Variants in RYR2 observed in about 807,000 individuals in gnomAD.
RYR2 encodes ryanodine receptor 2.
A neutral mutation model predicts 601.1 loss-of-function variants in RYR2; 227 were observed. The observed-to-expected ratio is 0.38, with a 90% CI of 0.34 to 0.42. RYR2 has a LOEUF of 0.42. RYR2 is among the 10% of genes least tolerant of loss of function. The pLI, the probability that RYR2 is intolerant of heterozygous loss-of-function variation, is 1.00. For synonymous variants in RYR2, 2,223 were observed against 2,175.1 expected, an observed-to-expected ratio of 1.02 and a Z score of -0.61; for missense variants, 4,646 against 6,156.5, an observed-to-expected ratio of 0.75 and a Z score of 8.21.
Position 237,511,857 on chromosome 1 carries a change from A to AC in RYR2, c.2822+66_2822+67insC, listed in dbSNP as rs955359772. ...CTGAAAAAAAAAAAAAAAAAAAAAAAAACAGGTATTGATGCTATATGTTAA... is the reference window on the plus strand; with the variant it reads ...CTGAAAAAAAAAAAAAAAAAAAAAAACAACAGGTATTGATGCTATATGTTAA... On this transcript the variant is annotated intron_variant, in intron 24 of 104. Coordinates refer to ENST00000366574, the MANE Select transcript of RYR2 (RefSeq NM_001035.3). 10 of 951,076 alleles carry AC rather than the reference A, an allele frequency of 1.1e-5. No individual in the cohort carries two copies. The East Asian group carries it at 2.3e-4, about 22-fold the overall frequency. 58.9% of individuals were successfully genotyped at this position (951,076 alleles called of 1,614,324 possible).
chr1:237,148,052 C>T (rs1235119339), intron 1 of RYR2, among the ~76,000 whole-genome samples: 1 of 152,182 alleles, frequency 6.6e-6, no homozygotes, highest in East Asian at 1.9e-4. Context: ...TGACAGTTTT[C>T]TCCTGAAGCA....
intron 1 of RYR2, among the ~76,000 whole-genome samples, chr1:237,064,700 G>A (rs1663311479): frequency 6.8e-6 from 1 of 147,434 alleles, no homozygotes; most frequent in South Asian, 2.1e-4. Flanking sequence ...GAGGTCTCAT[G>A]TGAATACCTG....
At chr1:237,680,909 T>C in intron 62 of RYR2, among the ~76,000 whole-genome samples, 1 of 152,230 alleles carries the variant, frequency 6.6e-6, no homozygotes, top group East Asian at 1.9e-4. Context: ...GTTTCTTTAA[T>C]GTTTCCACAA....
intron 1 of RYR2, among the ~76,000 whole-genome samples, chr1:237,250,613 A>G (rs1687359856): frequency 6.6e-6 from 1 of 151,940 alleles, no homozygotes; most frequent in South Asian, 2.1e-4. Context: ...TTCTCAGCTG[A>G]TTTCACTGAG....
chr1:237,707,749 G>T (rs1216649569), intron 68 of RYR2, among the ~76,000 whole-genome samples: 2 of 151,998 alleles, frequency 1.3e-5, no homozygotes, highest in Non-Finnish European at 2.9e-5. Flanking sequence ...CTACATGCCA[G>T]AATATTATGT....
chr1:237,523,006 G>A (rs200924620), intron 24 of RYR2, among the ~76,000 whole-genome samples: 1 of 91,388 alleles, frequency 1.1e-5, no homozygotes, highest in Non-Finnish European at 2.7e-5. Flanking sequence ...AAAAAAATGA[G>A]TTAAACAATG....
At chr1:237,508,897 C>T (rs1043526179) in intron 23 of RYR2, among the ~76,000 whole-genome samples, 2 of 151,230 alleles carry the variant, frequency 1.3e-5, no homozygotes, top group East Asian at 1.9e-4. Flanking sequence ...CGCCCGCTAC[C>T]ACGCCCGGCT....
Position 237,602,097 on chromosome 1 carries a change from T to C in RYR2, c.4669T>C (p.Leu1557=), listed in dbSNP as rs947233100. ...ATSPNVFQFE[L]GRIKNVMPLS... ...AAGTCCCAATGTTTTCCAGTTTGAG[T>C]TGGGAAGAATAAAGGTAATAAAACT... The change falls in exon 35 of 105, where the codon TTG becomes CTG. Residue 1557 remains leucine (L), a synonymous_variant. Transcript: ENST00000366574. 2 of 1,612,460 alleles carry C rather than the reference T, an allele frequency of 1.2e-6. No individual in the cohort carries two copies. The highest frequency in any genetic ancestry group is 2.7e-5 in the African/African-American group (2 of 75,024).
chr1:237,814,283 A>ACAG (rs1558472053), intron 100 of RYR2, among the ~76,000 whole-genome samples: 1 of 152,246 alleles, frequency 6.6e-6, no homozygotes, highest in Non-Finnish European at 1.5e-5. Context: ...AATTTCTTTA[A>ACAG]TTTAGTTCTC....
intron 98 of RYR2, among the ~76,000 whole-genome samples, chr1:237,804,897 G>A (rs1660441910): frequency 6.6e-6 from 1 of 152,228 alleles, no homozygotes; most frequent in South Asian, 2.1e-4. Flanking sequence ...GTTGGCTGTA[G>A]AGCAAGGGTT....
At chr1:237,415,702 C>T (rs151057545) in intron 10 of RYR2, among the ~76,000 whole-genome samples, 185 of 152,226 alleles carry the variant, frequency 1.2e-3, no homozygotes, top group African/African-American at 3.8e-3. Flanking sequence ...GGAATGGGGA[C>T]TATTCTAGAA....
At chr1:237,205,354 C>T (rs1035916104) in intron 1 of RYR2, among the ~76,000 whole-genome samples, 3 of 152,144 alleles carry the variant, frequency 2.0e-5, no homozygotes, top group South Asian at 2.1e-4. Flanking sequence ...CTGCCTGCCA[C>T]GAAATGCTCT....
At chr1:237,361,319 C>T (rs1246722415) in intron 4 of RYR2, among the ~76,000 whole-genome samples, 2 of 152,160 alleles carry the variant, frequency 1.3e-5, no homozygotes, top group African/African-American at 2.4e-5. Flanking sequence ...GGTGAAATCA[C>T]TTTGTTTTCT....
chr1:237,532,932 A>G (rs1451963923), intron 25 of RYR2, among the ~76,000 whole-genome samples: 1 of 152,240 alleles, frequency 6.6e-6, no homozygotes, highest in Non-Finnish European at 1.5e-5. Context: ...ACATGTCCCC[A>G]TGACAATCAT....
intron 25 of RYR2, among the ~76,000 whole-genome samples, chr1:237,532,361 T>C (rs924778376): frequency 1.3e-5 from 2 of 152,106 alleles, no homozygotes; most frequent in African/African-American, 4.8e-5. Context: ...ATCATTGAGT[T>C]AAGTTAACCA....
chr1:237,506,595 A>T lies in RYR2; in HGVS notation c.2614-115A>T. The T allele has an allele frequency of 4.7e-6, 3 of 632,504 alleles. No homozygotes were observed. In the South Asian group the frequency reaches 6.2e-5, roughly 13 times the overall value. 39.2% of individuals were successfully genotyped at this position (632,504 alleles called of 1,614,324 possible). On this transcript the variant is annotated intron_variant, in intron 22 of 104. Coordinates refer to ENST00000366574, the MANE Select transcript of RYR2 (RefSeq NM_001035.3). The stretch of plus-strand genomic sequence containing the variant: ...AATAGATGGCTTAGAACTTTGTTCT[A>T]TGATTACTGGTTTATGAGGCAGTTT...
chr1:237,165,596 G>T (rs1238442774), intron 1 of RYR2, among the ~76,000 whole-genome samples: 1 of 152,120 alleles, frequency 6.6e-6, no homozygotes, highest in Non-Finnish European at 1.5e-5. Context: ...GGGCATGGTG[G>T]CTCACACCTG....
intron 1 of RYR2, among the ~76,000 whole-genome samples, chr1:237,260,692 AAC>A: frequency 1.3e-5 from 2 of 152,270 alleles, no homozygotes; most frequent in East Asian, 3.9e-4. Context: ...AAATAAATAA[AAC>A]ACGTTAATTC....
At chr1:237,058,636 G>C (rs1344461699) in intron 1 of RYR2, among the ~76,000 whole-genome samples, 2 of 152,154 alleles carry the variant, frequency 1.3e-5, no homozygotes, top group African/African-American at 2.4e-5. Context: ...TTCCTTGGAG[G>C]CGGGGCGTGG....
Sources: allele counts gnomAD v4.1 joint callset (sites outside exome capture counted in the v4.1 genomes callset), GRCh38; gene constraint gnomAD v4.1.1; transcripts MANE v1.5; gene names NCBI Gene and HGNC (gene_info 2026-07-23, HGNC 2026-07-21).